SH2D4A: variants seen among roughly 807,000 people sequenced by gnomAD.
SH2D4A encodes the protein SH2 domain-containing protein 4A.
A neutral mutation model predicts 64.7 loss-of-function variants in SH2D4A; 70 were observed. That is an observed-to-expected ratio of 1.08 (90% CI 0.89 to 1.32). SH2D4A has a LOEUF of 1.32. Ranked by LOEUF, SH2D4A falls within the 40% of genes most tolerant of loss-of-function variation. The pLI is 0.00. For missense variants in SH2D4A, 706 were observed against 540.1 expected (o/e 1.31, Z -3.04); for synonymous variants, 268 against 200.7 (o/e 1.34, Z -2.83).
intron 7 of SH2D4A, among the ~76,000 whole-genome samples, chr8:19,365,886 A>G (rs965135725): frequency 1.3e-5 from 2 of 152,186 alleles, no homozygotes; most frequent in African/African-American, 4.8e-5. Flanking sequence ...GAAGCTAGTA[A>G]GAGAATGTAT....
At chr8:19,320,327 A>G (rs1404526109) in intron 2 of SH2D4A, among the ~76,000 whole-genome samples, 2 of 152,142 alleles carry the variant, frequency 1.3e-5, no homozygotes, top group African/African-American at 4.8e-5. Flanking sequence ...AAATCTTTGT[A>G]CATTAAGACT....
chr8:19,325,995 G>T lies in SH2D4A; in HGVS notation c.181+6267G>T, dbSNP rs542971714. Among the ~76,000 whole-genome samples the T allele has an allele frequency of 5.3e-5, 8 of 152,302 alleles. 1 individual carries two copies. The highest frequency in any genetic ancestry group is 5.2e-4 in the Admixed American group (8 of 15,298). On this transcript the variant is annotated intron_variant, in intron 2 of 9. Transcript: ENST00000265807. Reference sequence around the variant, plus strand: ...GCAACTTCACATCCCTGCTTGCCCAGTGGGGTCCTGTGTGTGGTTGCCACC... The same window carrying T: ...GCAACTTCACATCCCTGCTTGCCCATTGGGGTCCTGTGTGTGGTTGCCACC...
At chr8:19,383,041 G>A (rs571605684) in intron 8 of SH2D4A, among the ~76,000 whole-genome samples, 1 of 151,294 alleles carries the variant, frequency 6.6e-6, no homozygotes, top group African/African-American at 2.4e-5. Flanking sequence ...TGTCAGTGTG[G>A]GTCTCTTTAA....
intron 4 of SH2D4A, among the ~76,000 whole-genome samples, chr8:19,348,229 T>G (rs971762309): frequency 2.0e-5 from 3 of 152,012 alleles, no homozygotes; most frequent in African/African-American, 7.2e-5. Flanking sequence ...CCAAGAAGCT[T>G]GGATTACAGA....
chr8:19,331,465 C>T (rs2052364399), intron 2 of SH2D4A, among the ~76,000 whole-genome samples: 1 of 152,194 alleles, frequency 6.6e-6, no homozygotes, highest in Non-Finnish European at 1.5e-5. Context: ...CTCTGTTGGC[C>T]TCTCCTAGGT....
At chr8:19,320,870 G>C (rs1344468658) in intron 2 of SH2D4A, among the ~76,000 whole-genome samples, 1 of 152,106 alleles carries the variant, frequency 6.6e-6, no homozygotes, top group Non-Finnish European at 1.5e-5. Context: ...ATAAAATTTT[G>C]TAAAATCACA....
chr8:19,336,209 C>T (rs1331131761), intron 4 of SH2D4A, among the ~76,000 whole-genome samples: 1 of 152,172 alleles, frequency 6.6e-6, no homozygotes, highest in African/African-American at 2.4e-5. Flanking sequence ...CTTATTCAAA[C>T]CCAGGTCTGC....
At chr8:19,365,778 C>T (rs1048308494) in intron 7 of SH2D4A, among the ~76,000 whole-genome samples, 2 of 150,838 alleles carry the variant, frequency 1.3e-5, no homozygotes, top group Non-Finnish European at 2.9e-5. Context: ...TGGCAGAGGT[C>T]ACCTCAGAGC....
rs780610083 is a variant in SH2D4A at position 19,319,644 on chromosome 8, G to C, written c.97G>C (p.Glu33Gln). Residue 33 changes from glutamate to glutamine, a missense_variant, in exon 2 of 10, where the codon GAG becomes CAG. Transcript: ENST00000265807. ...ACAGATCCTGTTCTTCAAGATGAGA[G>C]AGGAACAGATCCGACGATGGAAAGA... The part of the protein sequence containing the change: ...QKQILFFKMR[E>Q]EQIRRWKERE... 1.9e-6 allele frequency: 3 copies of C among 1,611,794 alleles called. No homozygotes were observed. Among genetic ancestry groups the C allele is most frequent in the Non-Finnish European group, 1.7e-6 (2 of 1,179,232 alleles).
chr8:19,390,887 G>A (rs868698285), intron 8 of SH2D4A, among the ~76,000 whole-genome samples: 14 of 152,182 alleles, frequency 9.2e-5, no homozygotes, highest in African/African-American at 2.7e-4. Context: ...TTACTTAGCC[G>A]AGGTTTGGTT....
intron 8 of SH2D4A, among the ~76,000 whole-genome samples, chr8:19,388,578 A>T (rs2053429477): frequency 6.6e-6 from 1 of 152,228 alleles, no homozygotes; most frequent in Non-Finnish European, 1.5e-5. Flanking sequence ...GAGGTGATAC[A>T]AACTTTATTT....
chr8:19,378,378 T>C (rs1482159943), intron 8 of SH2D4A, among the ~76,000 whole-genome samples: 1 of 152,212 alleles, frequency 6.6e-6, no homozygotes, highest in African/African-American at 2.4e-5. Context: ...ATGGAGACTC[T>C]ATTTATTATG....
chr8:19,342,838 A>G (rs1033342554), intron 4 of SH2D4A, among the ~76,000 whole-genome samples: 2 of 152,240 alleles, frequency 1.3e-5, no homozygotes, highest in South Asian at 4.1e-4. Flanking sequence ...AGCTTTTTCC[A>G]TAAGAAAACA....
intron 4 of SH2D4A, among the ~76,000 whole-genome samples, chr8:19,349,442 A>G (rs1223586569): frequency 1.3e-5 from 2 of 152,208 alleles, no homozygotes; most frequent in Non-Finnish European, 2.9e-5. Context: ...AGAGAAAAAC[A>G]TATTTCTAGT....
intron 7 of SH2D4A, among the ~76,000 whole-genome samples, chr8:19,365,299 G>A (rs775420095): frequency 6.6e-6 from 1 of 152,098 alleles, no homozygotes; most frequent in Non-Finnish European, 1.5e-5. Flanking sequence ...GGGGACCAAC[G>A]TGGAACTCAG....
At chr8:19,377,984 A>T (rs1198566010) in intron 8 of SH2D4A, among the ~76,000 whole-genome samples, 2 of 152,184 alleles carry the variant, frequency 1.3e-5, no homozygotes, top group Non-Finnish European at 2.9e-5. Context: ...ATACTGCCAG[A>T]TTCTCATTTT....
chr8:19,324,150 T>C (rs914963834), intron 2 of SH2D4A, among the ~76,000 whole-genome samples: 2 of 152,212 alleles, frequency 1.3e-5, no homozygotes, highest in African/African-American at 4.8e-5. Context: ...CAGAGCCTTC[T>C]TCTTGGGTGA....
intron 4 of SH2D4A, among the ~76,000 whole-genome samples, chr8:19,337,249 C>G (rs2052458864): frequency 6.6e-6 from 1 of 152,124 alleles, no homozygotes; most frequent in South Asian, 2.1e-4. Context: ...AGCGAGGAGC[C>G]TGATTTCACA....
At chr8:19,350,565 C>T (rs1278453196) in intron 4 of SH2D4A, among the ~76,000 whole-genome samples, 2 of 152,058 alleles carry the variant, frequency 1.3e-5, no homozygotes, top group Admixed American at 6.6e-5. Context: ...TCACTGTAGC[C>T]CTGACCTCCC....
Sources: allele counts gnomAD v4.1 joint callset (sites outside exome capture counted in the v4.1 genomes callset), GRCh38; gene constraint gnomAD v4.1.1; transcripts MANE v1.5; gene names NCBI Gene and HGNC (gene_info 2026-07-23, HGNC 2026-07-21).